Variants in LPA observed in about 807,000 individuals in gnomAD.
The protein encoded by LPA is lipoprotein(a).
In LPA, 199 loss-of-function variants were observed where a neutral mutation model predicts 197.9. The ratio of observed to expected loss-of-function variants is 1.01; its 90% CI spans 0.90 to 1.13. LPA has a LOEUF of 1.13. LPA is among the 50% of genes most tolerant of loss of function. The pLI, the probability that LPA is intolerant of heterozygous loss-of-function variation, is 0.00. For missense variants in LPA, 1,853 were observed against 1,785.8 expected (o/e 1.04, Z -0.68); for synonymous variants, 715 against 639.5 (o/e 1.12, Z -1.78).
At chr6:160,549,802 G>A (rs1778138780) in intron 30 of LPA, among the ~76,000 whole-genome samples, 1 of 152,200 alleles carries the variant, frequency 6.6e-6, no homozygotes, top group South Asian at 2.1e-4. Context: ...AGCCACTGCG[G>A]GACTGACAGA....
chr6:160,626,235 AG>A lies in LPA; in HGVS notation c.1577+1971del, dbSNP rs1231145776. On this transcript the variant is annotated intron_variant, in intron 10 of 38. Coordinates refer to ENST00000316300, the MANE Select transcript of LPA (RefSeq NM_005577.4). Reference sequence around the variant, plus strand: ...TGTTCTTCGTAATTGAAAAGTTATCAGCCATCCTTGATTCTGGTATTTGTTT... The same window carrying A: ...TGTTCTTCGTAATTGAAAAGTTATCACCATCCTTGATTCTGGTATTTGTTT... Among the ~76,000 whole-genome samples the A allele has an allele frequency of 1.7e-4, 23 of 139,068 alleles. 1 individual carries two copies. The highest frequency in any genetic ancestry group is 6.5e-4 in the African/African-American group (21 of 32,140). The allele number at this position is 139,068 out of a possible 152,430, so 91.2% of individuals were successfully genotyped here.
chr6:160,604,447 G>C (rs1779305063), intron 18 of LPA, among the ~76,000 whole-genome samples: 2 of 152,112 alleles, frequency 1.3e-5, no homozygotes, highest in East Asian at 3.9e-4. Context: ...CTGGGCTTCT[G>C]TCCATCTATC....
intron 2 of LPA, among the ~76,000 whole-genome samples, chr6:160,650,003 G>A (rs1425223320): frequency 6.6e-6 from 1 of 152,146 alleles, no homozygotes; most frequent in Non-Finnish European, 1.5e-5. Flanking sequence ...TCAGGAATTG[G>A]AGATTAGAAT....
intron 28 of LPA, among the ~76,000 whole-genome samples, chr6:160,572,324 A>G (rs1778577898): frequency 6.6e-6 from 1 of 152,202 alleles, no homozygotes; most frequent in Admixed American, 6.5e-5. Flanking sequence ...CTATTCAGCC[A>G]TCTTGCCAGC....
At chr6:160,556,802 C>A (rs1417366569) in intron 29 of LPA, among the ~76,000 whole-genome samples, 2 of 152,088 alleles carry the variant, frequency 1.3e-5, no homozygotes, top group African/African-American at 4.8e-5. Context: ...CAACACACAC[C>A]AAAGATGCAC....
At position 160,577,488 on chromosome 6, in the gene LPA, T is replaced by G. The variant is rs77372228; in HGVS notation, c.4472-193A>C. On this transcript the variant is annotated intron_variant, in intron 27 of 38. Transcript: ENST00000316300. ...AATTTTAATAAGTTCATAGAAACAT[T>G]ATTTTTAAATCTAAAGATAAAGAAC... is the stretch of plus-strand genomic sequence containing the variant. 4.2e-3 allele frequency among the ~76,000 whole-genome samples: 637 copies of G among 152,300 alleles called. 6 individuals are homozygous for G. Among genetic ancestry groups the G allele is most frequent in the African/African-American group, 0.014 (602 of 41,564 alleles).
intron 7 of LPA, among the ~76,000 whole-genome samples, chr6:160,634,737 A>G (rs559749724): frequency 4.6e-5 from 7 of 152,002 alleles, no homozygotes; most frequent in African/African-American, 1.7e-4. Context: ...GAAATCTGCA[A>G]TGCTGAAGAT....
chr6:160,591,244 G>C (rs947432201), intron 22 of LPA, 143 bp from the exon 23 acceptor site: 1 of 1,052,106 alleles, frequency 9.5e-7, no homozygotes, highest in East Asian at 2.6e-5. Context: ...ATCACAAATC[G>C]TCCTCAACTT....
intron 28 of LPA, among the ~76,000 whole-genome samples, chr6:160,557,977 T>C (rs1778295083): frequency 1.3e-5 from 2 of 151,708 alleles, no homozygotes; most frequent in South Asian, 4.2e-4. Context: ...TGGAGTGCAG[T>C]GGCGCAATCT....
At chr6:160,544,417 C>T (rs185011451) in intron 33 of LPA, among the ~76,000 whole-genome samples, 2 of 152,218 alleles carry the variant, frequency 1.3e-5, no homozygotes, top group East Asian at 3.9e-4. Flanking sequence ...AATCCAGAGA[C>T]CACAATGCCA....
chr6:160,608,983 T>C (rs1779421143), intron 16 of LPA, among the ~76,000 whole-genome samples: 1 of 152,154 alleles, frequency 6.6e-6, no homozygotes, highest in African/African-American at 2.4e-5. Flanking sequence ...CAGTAATTTT[T>C]TCTTTTAAGA....
chr6:160,607,230 C>A (rs1435961314), intron 16 of LPA, among the ~76,000 whole-genome samples: 1 of 152,064 alleles, frequency 6.6e-6, no homozygotes, highest in Admixed American at 6.5e-5. Flanking sequence ...AAGCACTGTG[C>A]AAATTGTATT....
chr6:160,561,420 G>A (rs977119604), intron 28 of LPA, among the ~76,000 whole-genome samples: 2 of 152,060 alleles, frequency 1.3e-5, no homozygotes, highest in Non-Finnish European at 1.5e-5. Flanking sequence ...TGTTCTATTG[G>A]TCTATATATC....
chr6:160,540,018 G>A (rs1316423778), intron 36 of LPA, 25 bp downstream of exon 36: 26 of 1,613,948 alleles, frequency 1.6e-5, no homozygotes, highest in Non-Finnish European at 1.9e-5. Context: ...CCAGCGTGGG[G>A]TGAAGACCAC....
chr6:160,647,226 A>G (rs187548009), intron 2 of LPA, among the ~76,000 whole-genome samples: 2 of 152,286 alleles, frequency 1.3e-5, no homozygotes, highest in East Asian at 3.9e-4. Context: ...GAAGACTAAG[A>G]GATCTGAAGA....
chr6:160,602,384 A>G (rs1779260843), intron 18 of LPA, among the ~76,000 whole-genome samples: 1 of 152,228 alleles, frequency 6.6e-6, no homozygotes, highest in Non-Finnish European at 1.5e-5. Flanking sequence ...ATAAGGTAAG[A>G]AACTTACAAT....
intron 16 of LPA, among the ~76,000 whole-genome samples, 171 bp from the exon 17 acceptor site, chr6:160,606,829 C>A (rs1779364858): frequency 6.6e-6 from 1 of 152,148 alleles, no homozygotes; most frequent in Non-Finnish European, 1.5e-5. Context: ...CTAATCCTGT[C>A]TGCACATTTC....
At chr6:160,598,263 T>C (rs1465046360) in intron 20 of LPA, among the ~76,000 whole-genome samples, 6 of 152,222 alleles carry the variant, frequency 3.9e-5, no homozygotes, top group Admixed American at 3.9e-4. Context: ...CTGCTTTATG[T>C]TTAGACTAAC....
intron 8 of LPA, among the ~76,000 whole-genome samples, chr6:160,632,119 A>G (rs1448301280): frequency 8.2e-5 from 11 of 134,800 alleles, no homozygotes; most frequent in African/African-American, 3.5e-4. Context: ...ATTTTTTTCA[A>G]TTAAGACATA....
Sources: allele counts gnomAD v4.1 joint callset (sites outside exome capture counted in the v4.1 genomes callset), GRCh38; gene constraint gnomAD v4.1.1; transcripts MANE v1.5; gene names NCBI Gene and HGNC (gene_info 2026-07-23, HGNC 2026-07-21).